Variants in MIS18A observed in about 807,000 individuals in gnomAD.
The protein encoded by MIS18A is protein Mis18-alpha.
Under a neutral mutation model 25.0 loss-of-function variants are expected in MIS18A, and 14 were observed. That is an observed-to-expected ratio of 0.56 (90% CI 0.37 to 0.88). The LOEUF is 0.88. MIS18A is among the 40% of genes least tolerant of loss of function. The pLI is 0.00. For missense variants in MIS18A, 292 were observed against 290.8 expected (o/e 1.00, Z -0.03); for synonymous variants, 134 against 118.6 (o/e 1.13, Z -0.84).
the MIS18A span, among the ~76,000 whole-genome samples, chr21:32,217,815 C>G: frequency 6.6e-6 from 1 of 151,648 alleles, no homozygotes; most frequent in Non-Finnish European, 1.5e-5. Flanking sequence ...ATTCAAAATT[C>G]TGAAGGAAAA....
chr21:32,179,782 A>G, the MIS18A span, among the ~76,000 whole-genome samples: 1 of 152,356 alleles, frequency 6.6e-6, no homozygotes, highest in Admixed American at 6.5e-5. Context: ...AGTTCAGACA[A>G]TGTCACTCAC....
chr21:32,262,329 C>G, the MIS18A span, among the ~76,000 whole-genome samples: 1 of 152,342 alleles, frequency 6.6e-6, no homozygotes, highest in Non-Finnish European at 1.5e-5. Context: ...GAGAAAAACC[C>G]TTGGAAGGCT....
At chr21:32,190,025 T>C in the MIS18A span, among the ~76,000 whole-genome samples, 1 of 152,090 alleles carries the variant, frequency 6.6e-6, no homozygotes, top group Non-Finnish European at 1.5e-5. Flanking sequence ...TCTACAAAGG[T>C]CTAAGGATCC....
the MIS18A span, among the ~76,000 whole-genome samples, chr21:32,195,802 T>A: frequency 6.6e-6 from 1 of 151,964 alleles, no homozygotes; most frequent in Non-Finnish European, 1.5e-5. Flanking sequence ...GGTGGATACC[T>A]TGAGGTCAGG....
At chr21:32,250,060 C>T in the MIS18A span, among the ~76,000 whole-genome samples, 1 of 152,226 alleles carries the variant, frequency 6.6e-6, no homozygotes, top group African/African-American at 2.4e-5. Flanking sequence ...GTGCTATCTC[C>T]TAAGCTGGGA....
At chr21:32,185,117 A>G in the MIS18A span, among the ~76,000 whole-genome samples, 6 of 152,152 alleles carry the variant, frequency 3.9e-5, no homozygotes, top group South Asian at 4.2e-4. Context: ...GACTCTTCAC[A>G]TAGCCCCCAT....
chr21:32,176,709 A>G, the MIS18A span, among the ~76,000 whole-genome samples: 1 of 152,136 alleles, frequency 6.6e-6, no homozygotes, highest in African/African-American at 2.4e-5. Context: ...GAAGGAAGGT[A>G]ATAATAAAGA....
At chr21:32,225,840 T>C in the MIS18A span, among the ~76,000 whole-genome samples, 1 of 13,846 alleles carries the variant, frequency 7.2e-5, no homozygotes, top group Non-Finnish European at 1.2e-4. Flanking sequence ...CGTATGTTTA[T>C]TGTGGCATTA....
chr21:32,175,690 C>T, the MIS18A span, among the ~76,000 whole-genome samples: 1 of 150,292 alleles, frequency 6.7e-6, no homozygotes, highest in Non-Finnish European at 1.5e-5. Context: ...GCCTGTAATC[C>T]CAGCTACTAC....
chr21:32,166,581 TA>T, the MIS18A span, among the ~76,000 whole-genome samples: 1 of 152,158 alleles, frequency 6.6e-6, no homozygotes, highest in African/African-American at 2.4e-5. Flanking sequence ...AATTGAGTAC[TA>T]AATTAATTAA....
At chr21:32,186,589 T>C in the MIS18A span, among the ~76,000 whole-genome samples, 3 of 152,246 alleles carry the variant, frequency 2.0e-5, no homozygotes, top group South Asian at 2.1e-4. Flanking sequence ...CAGTTGCAGA[T>C]AAAATAAAGA....
chr21:32,205,676 C>T, the MIS18A span, among the ~76,000 whole-genome samples: 1 of 152,100 alleles, frequency 6.6e-6, no homozygotes, highest in Non-Finnish European at 1.5e-5. Context: ...TCCAGATCTA[C>T]CTAATGATAT....
the MIS18A span, among the ~76,000 whole-genome samples, chr21:32,201,050 G>A: frequency 6.6e-6 from 1 of 152,140 alleles, no homozygotes; most frequent in Non-Finnish European, 1.5e-5. Context: ...CAGGAGACAT[G>A]GCGCCAGCAT....
At chr21:32,264,168 T>C (rs1204510121), downstream of MIS18A, among the ~76,000 whole-genome samples, 2 of 152,190 alleles carry the variant, frequency 1.3e-5, no homozygotes, top group East Asian at 1.9e-4. Context: ...TTTTAGGAAA[T>C]ATTTTAAGTG....
At chr21:32,254,877 T>A in the MIS18A span, among the ~76,000 whole-genome samples, 1 of 152,324 alleles carries the variant, frequency 6.6e-6, no homozygotes, top group African/African-American at 2.4e-5. Flanking sequence ...AACTACATTG[T>A]TTGTAGTACA....
At chr21:32,219,155 A>G in the MIS18A span, among the ~76,000 whole-genome samples, 1 of 152,148 alleles carries the variant, frequency 6.6e-6, no homozygotes, top group Admixed American at 6.5e-5. Context: ...GGCAGAACTA[A>G]TTCTTAAAAA....
Position 32,268,947 on chromosome 21 carries a change from T to C in MIS18A, c.*90A>G, listed in dbSNP as rs2123462498. 2 of 971,112 alleles carry C rather than the reference T, an allele frequency of 2.1e-6. No homozygotes were observed. Among genetic ancestry groups the C allele is most frequent in the East Asian group, 2.5e-5 (1 of 39,686 alleles). 60.2% of individuals were successfully genotyped at this position (971,112 alleles called of 1,614,324 possible). On this transcript the variant is annotated 3_prime_UTR_variant, in exon 5 of 5. Coordinates refer to ENST00000290130, the MANE Select transcript of MIS18A (RefSeq NM_018944.3). The stretch of plus-strand genomic sequence containing the variant: ...CTGGCTAATTTTTTTTTTCTTTTTT[T>C]TTTTGTAGAGACGACGTCTCACTAT...
rs200789498 is a variant in MIS18A, at chr21:32,270,497, G to A, written c.434C>T (p.Ser145Leu). 2.0e-4 allele frequency: 327 copies of A among 1,607,066 alleles called. 3 individuals carry two copies. In the Middle Eastern group the frequency reaches 9.8e-3, roughly 48 times the overall value. The change falls in exon 3 of 5, where the codon TCA becomes TTA. Residue 145 changes from serine (S) to leucine (L), a missense_variant. Coordinates refer to ENST00000290130, the MANE Select transcript of MIS18A (RefSeq NM_018944.3). ...TCTGTACACGTAGCCAAGATTGAGT[G>A]AGCACCCCGCGCAGCACAAAGTCTC... ...VLETLCCAGC[S>L]LNLGYVYRCT... is the part of the protein sequence containing the mutation.
rs1466096451 is a variant in MIS18A at position 32,278,761 on chromosome 21, C to A, written c.254G>T (p.Cys85Phe). The change falls in exon 1 of 5, where the codon TGC becomes TTC. Residue 85 changes from cysteine to phenylalanine, a missense_variant. Transcript: ENST00000290130. ...AAEERPLVFL[C>F]SGCRRPLGDS... ...GCCCAGCGGCCGCCGGCAGCCGGAG[C>A]ACAGGAACACCAGCGGCCTCTCCTC... 2 of 1,578,962 alleles carry A rather than the reference C, an allele frequency of 1.3e-6. No homozygotes were observed. The highest frequency in any genetic ancestry group is 1.3e-5 in the African/African-American group (1 of 74,654).
Sources: gnomAD v4.1 joint callset for allele counts (sites outside exome capture counted in the v4.1 genomes callset) on GRCh38, gnomAD v4.1.1 for gene constraint, MANE v1.5 for transcripts, NCBI Gene and HGNC (gene_info 2026-07-23, HGNC 2026-07-21) for gene names.